Variants in ATG10 observed in about 807,000 individuals in gnomAD.
ATG10 encodes autophagy related 10.
In ATG10, 30 loss-of-function variants were observed where a neutral mutation model predicts 32.1. The ratio of observed to expected loss-of-function variants is 0.94; its 90% CI spans 0.70 to 1.27. The LOEUF (loss-of-function observed/expected upper bound fraction) is 1.27. Among genes scored for constraint, ATG10 ranks in the 50% most tolerant of loss-of-function variants. The pLI is 0.00. For synonymous variants in ATG10, 87 were observed against 91.5 expected (o/e 0.95, Z 0.28); for missense variants, 233 against 262.3 (o/e 0.89, Z 0.77).
intron 2 of ATG10, among the ~76,000 whole-genome samples, chr5:82,007,733 C>G (rs1022795409): frequency 6.6e-6 from 1 of 152,082 alleles, no homozygotes; most frequent in Non-Finnish European, 1.5e-5. Flanking sequence ...ACGATTACAG[C>G]CATGAACCAC....
intron 2 of ATG10, among the ~76,000 whole-genome samples, chr5:82,029,208 A>G (rs567967827): frequency 2.6e-5 from 4 of 152,348 alleles, no homozygotes; most frequent in Non-Finnish European, 4.4e-5. Flanking sequence ...TGAGAAAGGC[A>G]TTTCCATCAT....
At chr5:82,176,580 G>A (rs932548057) in intron 4 of ATG10, among the ~76,000 whole-genome samples, 2 of 151,796 alleles carry the variant, frequency 1.3e-5, no homozygotes, top group African/African-American at 4.8e-5. Flanking sequence ...ACACACGCAT[G>A]CGCACACAGA....
intron 3 of ATG10, among the ~76,000 whole-genome samples, chr5:82,131,658 T>G (rs1269454046): frequency 1.3e-5 from 2 of 150,914 alleles, no homozygotes; most frequent in African/African-American, 4.9e-5. Flanking sequence ...TTTTTTTTGA[T>G]CACTTTCTAG....
At chr5:82,040,537 T>G (rs893791106) in intron 2 of ATG10, among the ~76,000 whole-genome samples, 2 of 152,134 alleles carry the variant, frequency 1.3e-5, no homozygotes, top group Non-Finnish European at 1.5e-5. Flanking sequence ...GAAAAACTAT[T>G]GGCAAGGATA....
chr5:81,984,163 G>A (rs1023199486), intron 1 of ATG10, among the ~76,000 whole-genome samples: 9 of 152,266 alleles, frequency 5.9e-5, no homozygotes, highest in Admixed American at 6.5e-5. Flanking sequence ...ACCAGACTCC[G>A]TCTGCAATCC....
chr5:81,999,889 G>A (rs1263031682), intron 2 of ATG10, among the ~76,000 whole-genome samples: 1 of 152,140 alleles, frequency 6.6e-6, no homozygotes, highest in African/African-American at 2.4e-5. Context: ...GTAATAAAAA[G>A]TTTACCAACC....
chr5:82,013,110 C>T (rs1164407033), intron 2 of ATG10, among the ~76,000 whole-genome samples: 4 of 152,182 alleles, frequency 2.6e-5, no homozygotes, highest in South Asian at 2.1e-4. Context: ...TACAGGCACA[C>T]ACCACCACGC....
At chr5:82,240,017 T>C (rs1746723449) in intron 5 of ATG10, among the ~76,000 whole-genome samples, 1 of 151,912 alleles carries the variant, frequency 6.6e-6, no homozygotes, top group Non-Finnish European at 1.5e-5. Flanking sequence ...AGATAGAAAA[T>C]AGCAAATGCT....
Position 82,232,179 on chromosome 5 carries a change from G to A in ATG10, c.454-20383G>A, listed in dbSNP as rs566682511. 2.0e-5 allele frequency among the ~76,000 whole-genome samples: 3 copies of A among 152,234 alleles called. No homozygotes were observed. The South Asian group carries it at 6.2e-4, about 32-fold the overall frequency. On this transcript the variant is annotated intron_variant, in intron 5 of 7. Transcript: ENST00000282185. Reference sequence around the variant, plus strand: ...ACCTAGCTCAAAAGTGGTGTCCTTGGTTTAGTGTGTGTCTCAGAAATAGAC... The same window carrying A: ...ACCTAGCTCAAAAGTGGTGTCCTTGATTTAGTGTGTGTCTCAGAAATAGAC...
intron 2 of ATG10, among the ~76,000 whole-genome samples, chr5:81,998,150 C>T (rs566601859): frequency 7.9e-5 from 12 of 152,260 alleles, no homozygotes; most frequent in Admixed American, 7.8e-4. Flanking sequence ...AGGGGCAGAT[C>T]ACCTAAAAAG....
chr5:82,181,951 A>G (rs956607573), intron 5 of ATG10, among the ~76,000 whole-genome samples: 2 of 152,282 alleles, frequency 1.3e-5, no homozygotes, highest in African/African-American at 4.8e-5. Flanking sequence ...ACTACCTATT[A>G]TATCAACCCT....
intron 5 of ATG10, among the ~76,000 whole-genome samples, chr5:82,211,395 A>G (rs914460678): frequency 1.3e-5 from 2 of 152,126 alleles, no homozygotes; most frequent in African/African-American, 4.8e-5. Context: ...ATCTAGCCCT[A>G]CACGCCTGGG....
At chr5:81,980,078 G>A (rs1297353846) in intron 1 of ATG10, among the ~76,000 whole-genome samples, 2 of 151,998 alleles carry the variant, frequency 1.3e-5, no homozygotes, top group African/African-American at 2.4e-5. Context: ...TCTCTCTGTT[G>A]CCTTGAATGT....
chr5:82,004,822 T>C (rs1761944640), intron 2 of ATG10, among the ~76,000 whole-genome samples: 1 of 152,228 alleles, frequency 6.6e-6, no homozygotes, highest in Non-Finnish European at 1.5e-5. Flanking sequence ...TCTGTATTTA[T>C]CTTGTTGACC....
intron 5 of ATG10, among the ~76,000 whole-genome samples, chr5:82,214,262 A>C (rs1399860332): frequency 6.6e-6 from 1 of 152,232 alleles, no homozygotes; most frequent in African/African-American, 2.4e-5. Context: ...CTTCAGTTAC[A>C]TTTACAAATG....
chr5:82,092,953 T>C (rs1224988157), intron 3 of ATG10, among the ~76,000 whole-genome samples: 1 of 152,160 alleles, frequency 6.6e-6, no homozygotes, highest in Non-Finnish European at 1.5e-5. Context: ...AGATAAATTC[T>C]TTACTATCTG....
chr5:82,000,725 C>G (rs148379991), intron 2 of ATG10, among the ~76,000 whole-genome samples: 1 of 152,100 alleles, frequency 6.6e-6, no homozygotes, highest in African/African-American at 2.4e-5. Context: ...GGCACAATCT[C>G]GGCTCACTGC....
chr5:81,972,876 A>G (rs966938457), intron 1 of ATG10, among the ~76,000 whole-genome samples: 1 of 152,192 alleles, frequency 6.6e-6, no homozygotes, highest in Non-Finnish European at 1.5e-5. Context: ...AAAAATTACA[A>G]AAGTATTGGA....
At chr5:82,203,022 G>A (rs1449659770) in intron 5 of ATG10, among the ~76,000 whole-genome samples, 1 of 152,128 alleles carries the variant, frequency 6.6e-6, no homozygotes, top group Non-Finnish European at 1.5e-5. Flanking sequence ...GAGGTCAGGA[G>A]TTTGAGACCA....
Sources: gnomAD v4.1 joint callset for allele counts (sites outside exome capture counted in the v4.1 genomes callset) on GRCh38, gnomAD v4.1.1 for gene constraint, MANE v1.5 for transcripts, NCBI Gene and HGNC (gene_info 2026-07-23, HGNC 2026-07-21) for gene names.